HOMER1: variants seen among roughly 807,000 people sequenced by gnomAD.
HOMER1 encodes homer scaffold protein 1.
HOMER1 carries 3 observed loss-of-function variants against 48.9 expected under a neutral mutation model. That is an observed-to-expected ratio of 0.06 (90% CI 0.03 to 0.16). HOMER1 has a LOEUF of 0.16. Ranked by LOEUF, HOMER1 falls within the 10% of genes least tolerant of loss-of-function variation. The probability of loss-of-function intolerance (pLI) is 1.00; values close to 1 mark genes in which losing one functional copy is unlikely to be tolerated. For synonymous variants in HOMER1, 134 were observed against 146.4 expected (o/e 0.92, Z 0.61); for missense variants, 247 against 411.4 (o/e 0.60, Z 3.46).
chr5:79,391,138 TTTTG>T (rs1749238610), intron 8 of HOMER1, among the ~76,000 whole-genome samples: 1 of 108,748 alleles, frequency 9.2e-6, no homozygotes. Context: ...TGGGTTTTTT[TTTTG>T]TTTTTTTTTT....
chr5:79,479,811 CTATTA>C (rs140212714), intron 1 of HOMER1, among the ~76,000 whole-genome samples: 11,917 of 152,138 alleles, frequency 0.078, 1,025 homozygotes, highest in East Asian at 0.24. Context: ...ATTCTAAATT[CTATTA>C]TATGTGTTTT....
chr5:79,399,380 A>G (rs1293461693), intron 6 of HOMER1, among the ~76,000 whole-genome samples: 2 of 152,208 alleles, frequency 1.3e-5, no homozygotes, highest in African/African-American at 4.8e-5. Flanking sequence ...TAGGAGTAGG[A>G]AAAGAGCTGG....
At chr5:79,422,967 A>G (rs1018670418) in intron 5 of HOMER1, among the ~76,000 whole-genome samples, 2 of 152,116 alleles carry the variant, frequency 1.3e-5, no homozygotes, top group African/African-American at 2.4e-5. Context: ...ATTAAAAACA[A>G]GTGATAGTCT....
At chr5:79,475,846 A>G (rs764917702) in intron 1 of HOMER1, among the ~76,000 whole-genome samples, 3 of 152,208 alleles carry the variant, frequency 2.0e-5, no homozygotes, top group African/African-American at 4.8e-5. Flanking sequence ...AATACAGATA[A>G]AAGTGTTATC....
At chr5:79,442,893 ATAGT>A (rs1233584473) in intron 4 of HOMER1, among the ~76,000 whole-genome samples, 2 of 152,218 alleles carry the variant, frequency 1.3e-5, no homozygotes, top group African/African-American at 4.8e-5. Context: ...CATTTTTCCT[ATAGT>A]TAGTCACCAT....
chr5:79,474,997 T>C (rs780122587), intron 1 of HOMER1, among the ~76,000 whole-genome samples: 3 of 152,248 alleles, frequency 2.0e-5, no homozygotes, highest in Non-Finnish European at 4.4e-5. Flanking sequence ...AGCCACAGGC[T>C]GCATAATTCA....
chr5:79,421,659 G>A (rs1421631702), intron 5 of HOMER1, among the ~76,000 whole-genome samples: 1 of 151,120 alleles, frequency 6.6e-6, no homozygotes. Flanking sequence ...AGGCTGGAGT[G>A]CAATGGCGCA....
intron 1 of HOMER1, among the ~76,000 whole-genome samples, chr5:79,504,135 C>T (rs966672347): frequency 6.6e-6 from 1 of 152,086 alleles, no homozygotes; most frequent in African/African-American, 2.4e-5. Flanking sequence ...AGGAAAACAG[C>T]AGCCTGCGAG....
intron 1 of HOMER1, among the ~76,000 whole-genome samples, chr5:79,491,817 A>G (rs1752287161): frequency 6.6e-6 from 1 of 152,204 alleles, no homozygotes; most frequent in South Asian, 2.1e-4. Context: ...AAACTTGTTT[A>G]TTAAGCAAAC....
intron 5 of HOMER1, among the ~76,000 whole-genome samples, chr5:79,434,683 A>G (rs1327690521): frequency 6.6e-6 from 1 of 152,204 alleles, no homozygotes; most frequent in African/African-American, 2.4e-5. Context: ...TTTAAAAATA[A>G]GTACACTAAA....
chr5:79,507,212 C>CTA (rs1752800529), intron 1 of HOMER1, among the ~76,000 whole-genome samples: 1 of 51,902 alleles, frequency 1.9e-5, no homozygotes, highest in African/African-American at 7.0e-5. Context: ...GGCTCTATCT[C>CTA]AAAAAAAAAA....
At chr5:79,484,868 T>A (rs911259203) in intron 1 of HOMER1, among the ~76,000 whole-genome samples, 1 of 152,222 alleles carries the variant, frequency 6.6e-6, no homozygotes, top group Non-Finnish European at 1.5e-5. Flanking sequence ...TTAAAATGTA[T>A]GGGACCTTCT....
chr5:79,425,257 A>C (rs1750212749), intron 5 of HOMER1, among the ~76,000 whole-genome samples: 1 of 152,024 alleles, frequency 6.6e-6, no homozygotes, highest in South Asian at 2.1e-4. Context: ...TAGGAAAAAA[A>C]AAAAATCTAA....
intron 1 of HOMER1, among the ~76,000 whole-genome samples, chr5:79,500,971 C>G (rs542763001): frequency 8.4e-5 from 11 of 130,358 alleles, no homozygotes; most frequent in African/African-American, 3.2e-4. Flanking sequence ...CAGACACACA[C>G]ACACACACAC....
intron 6 of HOMER1, among the ~76,000 whole-genome samples, chr5:79,398,535 C>A (rs1749453340): frequency 6.6e-6 from 1 of 152,096 alleles, no homozygotes; most frequent in African/African-American, 2.4e-5. Flanking sequence ...GTACTAATAG[C>A]CTCGTTACAA....
At chr5:79,398,412 T>C (rs1195881835) in intron 6 of HOMER1, among the ~76,000 whole-genome samples, 3 of 152,058 alleles carry the variant, frequency 2.0e-5, no homozygotes, top group East Asian at 3.9e-4. Context: ...TAGTAAATTC[T>C]AGACTATTAA....
At chr5:79,387,642 C>A (rs1406200745) in intron 8 of HOMER1, among the ~76,000 whole-genome samples, 1 of 151,962 alleles carries the variant, frequency 6.6e-6, no homozygotes, top group African/African-American at 2.4e-5. Flanking sequence ...AGTTATTCAA[C>A]AATTACATTT....
intron 5 of HOMER1, among the ~76,000 whole-genome samples, chr5:79,413,747 A>T (rs949325017): frequency 6.6e-6 from 1 of 151,936 alleles, no homozygotes; most frequent in Admixed American, 6.6e-5. Flanking sequence ...AGGTGCTTTC[A>T]TATCAGCCTG....
chr5:79,406,521 G>A (rs1749667248), intron 5 of HOMER1, among the ~76,000 whole-genome samples: 1 of 152,198 alleles, frequency 6.6e-6, no homozygotes, highest in African/African-American at 2.4e-5. Context: ...GATTGGAGAG[G>A]CAGAGAGAGA....
Sources: gnomAD v4.1 joint callset for allele counts (sites outside exome capture counted in the v4.1 genomes callset) on GRCh38, gnomAD v4.1.1 for gene constraint, MANE v1.5 for transcripts, NCBI Gene and HGNC (gene_info 2026-07-23, HGNC 2026-07-21) for gene names.